Variants in SCHIP1 observed in about 807,000 individuals in gnomAD.
SCHIP1 encodes schwannomin interacting protein 1.
SCHIP1 carries 8 observed loss-of-function variants against 29.7 expected under a neutral mutation model. The observed-to-expected ratio is 0.27, with a 90% CI of 0.16 to 0.49. SCHIP1 has a LOEUF of 0.49. SCHIP1 is among the 20% of genes least tolerant of loss of function. The probability of loss-of-function intolerance (pLI) is 0.99; values close to 1 mark genes in which losing one functional copy is unlikely to be tolerated. For missense variants in SCHIP1, 193 were observed against 294.6 expected (o/e 0.66, Z 2.52); for synonymous variants, 76 against 94.9 (o/e 0.80, Z 1.16).
the SCHIP1 span, among the ~76,000 whole-genome samples, chr3:159,468,340 T>C: frequency 1.3e-5 from 2 of 152,106 alleles, no homozygotes. Flanking sequence ...AATATATAAG[T>C]GAGCAGACAT....
chr3:159,405,880 C>CAAAAAAAAAA, the SCHIP1 span, among the ~76,000 whole-genome samples: 1 of 75,234 alleles, frequency 1.3e-5, no homozygotes, highest in African/African-American at 3.7e-5. Context: ...GAGACTCTGT[C>CAAAAAAAAAA]AAAAAAAAAA....
At chr3:159,713,276 G>GAA in the SCHIP1 span, among the ~76,000 whole-genome samples, 4 of 145,748 alleles carry the variant, frequency 2.7e-5, no homozygotes, top group Non-Finnish European at 4.6e-5. Flanking sequence ...AAGAAAGAAA[G>GAA]AAAGAAAGAA....
chr3:159,379,004 A>G, the SCHIP1 span, among the ~76,000 whole-genome samples: 2 of 152,206 alleles, frequency 1.3e-5, no homozygotes, highest in Non-Finnish European at 2.9e-5. Flanking sequence ...GCTTGTGATA[A>G]AAGCACATTA....
At chr3:159,330,189 T>C in the SCHIP1 span, among the ~76,000 whole-genome samples, 3 of 152,212 alleles carry the variant, frequency 2.0e-5, no homozygotes, top group African/African-American at 7.2e-5. Context: ...TACAGTCATA[T>C]ACATTTTCTC....
the SCHIP1 span, among the ~76,000 whole-genome samples, chr3:159,524,086 C>T: frequency 6.6e-6 from 1 of 152,158 alleles, no homozygotes; most frequent in Non-Finnish European, 1.5e-5. Flanking sequence ...TGTGCACCTG[C>T]ATACATGATC....
At chr3:159,324,359 C>T in the SCHIP1 span, among the ~76,000 whole-genome samples, 1 of 151,990 alleles carries the variant, frequency 6.6e-6, no homozygotes, top group South Asian at 2.1e-4. Flanking sequence ...TTTATAATTC[C>T]CATACTCTTC....
chr3:159,641,613 A>C, the SCHIP1 span, among the ~76,000 whole-genome samples: 1 of 152,162 alleles, frequency 6.6e-6, no homozygotes, highest in South Asian at 2.1e-4. Flanking sequence ...TTCAAAGGAA[A>C]TTCAGAAAAA....
At chr3:159,505,029 G>A in the SCHIP1 span, among the ~76,000 whole-genome samples, 1 of 152,138 alleles carries the variant, frequency 6.6e-6, no homozygotes, top group Non-Finnish European at 1.5e-5. Context: ...CCAGGTGGAG[G>A]GAATAGCATC....
At chr3:159,563,375 T>A in the SCHIP1 span, among the ~76,000 whole-genome samples, 1 of 152,160 alleles carries the variant, frequency 6.6e-6, no homozygotes, top group Non-Finnish European at 1.5e-5. Context: ...TTAAAAAATT[T>A]TCCATGATGA....
At chr3:159,650,144 G>A in the SCHIP1 span, among the ~76,000 whole-genome samples, 3 of 152,068 alleles carry the variant, frequency 2.0e-5, no homozygotes, top group Non-Finnish European at 1.5e-5. Flanking sequence ...AAACTATCCA[G>A]GACAGATGGT....
At chr3:159,385,846 G>C in the SCHIP1 span, among the ~76,000 whole-genome samples, 4 of 151,620 alleles carry the variant, frequency 2.6e-5, no homozygotes, top group African/African-American at 7.3e-5. Context: ...CCCTCCCCTA[G>C]CCCCCCATCC....
At chr3:159,307,052 A>G in the SCHIP1 span, among the ~76,000 whole-genome samples, 6 of 152,228 alleles carry the variant, frequency 3.9e-5, no homozygotes, top group Admixed American at 3.9e-4. Context: ...AGTGCTAGCT[A>G]CAGAAGCAGA....
the SCHIP1 span, among the ~76,000 whole-genome samples, chr3:159,760,171 A>G: frequency 9.9e-5 from 15 of 152,200 alleles, no homozygotes; most frequent in Admixed American, 6.5e-4. Context: ...ATACAATTAA[A>G]TCTCCCTACT....
At chr3:159,281,369 A>G in the SCHIP1 span, among the ~76,000 whole-genome samples, 18 of 152,350 alleles carry the variant, frequency 1.2e-4, no homozygotes, top group African/African-American at 4.3e-4. Context: ...TTTGGACAAG[A>G]ATTATTTTCA....
exon 1 of SCHIP1, chr3:159,840,078 G>A (rs79601953): frequency 0.061 from 92,399 of 1,521,704 alleles, 3,124 homozygotes; most frequent in Non-Finnish European, 0.064. Flanking sequence ...GGGAGCCCCT[G>A]CCTTACCAGG....
At chr3:159,300,112 G>GTTTT in the SCHIP1 span, among the ~76,000 whole-genome samples, 1 of 47,634 alleles carries the variant, frequency 2.1e-5, no homozygotes, top group African/African-American at 7.4e-5. Flanking sequence ...AGGGAAAGCT[G>GTTTT]CTTTTTTTTT....
the SCHIP1 span, among the ~76,000 whole-genome samples, chr3:159,525,158 A>AC: frequency 6.6e-6 from 1 of 151,882 alleles, no homozygotes; most frequent in Non-Finnish European, 1.5e-5. Flanking sequence ...ACTTTCCCTG[A>AC]CCCCCTACTT....
At chr3:159,384,730 A>C in the SCHIP1 span, among the ~76,000 whole-genome samples, 9 of 151,654 alleles carry the variant, frequency 5.9e-5, no homozygotes, top group African/African-American at 2.2e-4. Context: ...CTGTGAATCC[A>C]TCTGGTTCTG....
the SCHIP1 span, among the ~76,000 whole-genome samples, chr3:159,405,805 C>T: frequency 2.6e-5 from 4 of 151,180 alleles, no homozygotes; most frequent in African/African-American, 9.8e-5. Context: ...ATCACTTGAA[C>T]CCAGTAGGCG....
Sources: allele counts gnomAD v4.1 joint callset (sites outside exome capture counted in the v4.1 genomes callset), GRCh38; gene constraint gnomAD v4.1.1; transcripts MANE v1.5; gene names NCBI Gene and HGNC (gene_info 2026-07-23, HGNC 2026-07-21).